The following PVALB variants were observed in gnomAD, a reference collection of about 807,000 sequenced individuals.
PVALB encodes the protein parvalbumin.
PVALB carries 11 observed loss-of-function variants against 10.9 expected under a neutral mutation model. The observed-to-expected ratio is 1.01, with a 90% CI of 0.63 to 1.67. The LOEUF is 1.67. PVALB is among the 40% of genes most tolerant of loss of function. The pLI, the probability that PVALB is intolerant of heterozygous loss-of-function variation, is 0.00. For missense variants in PVALB, 131 were observed against 136.2 expected (o/e 0.96, Z 0.19); for synonymous variants, 57 against 50.7 (o/e 1.12, Z -0.53).
chr22:36,813,425 A>G, intron 3 of PVALB: 2 of 523,132 alleles, frequency 3.8e-6, no homozygotes, highest in Non-Finnish European at 6.8e-6. Context: ...AACAGAATCT[A>G]TTCCTTTTAG....
At chr22:36,811,567 CAGGG>C (rs764602755) in intron 3 of PVALB, 393 of 455,402 alleles carry the variant, frequency 8.6e-4, no homozygotes, top group East Asian at 2.0e-3. Context: ...CTGAGTGTGG[CAGGG>C]AGGGAGGGAG....
chr22:36,817,814 G>A (rs1029009181), upstream of PVALB, among the ~76,000 whole-genome samples: 14 of 152,032 alleles, frequency 9.2e-5, no homozygotes, highest in Admixed American at 6.5e-5. Context: ...GGCATCATGG[G>A]TCCAGACTCC....
At chr22:36,814,591 A>T (rs1939105921) in intron 2 of PVALB, among the ~76,000 whole-genome samples, 1 of 152,148 alleles carries the variant, frequency 6.6e-6, no homozygotes, top group Non-Finnish European at 1.5e-5. Context: ...TCCTAGCCAC[A>T]GCCTTCTCCT....
chr22:36,815,710 G>A (rs1939128602), intron 1 of PVALB, among the ~76,000 whole-genome samples: 1 of 152,138 alleles, frequency 6.6e-6, no homozygotes, highest in Admixed American at 6.5e-5. Flanking sequence ...GACATAGAAA[G>A]GACAGGTTTC....
At chr22:36,811,520 T>C (rs1569092825) in intron 3 of PVALB, 1 of 467,692 alleles carries the variant, frequency 2.1e-6, no homozygotes, top group Non-Finnish European at 4.4e-6. Flanking sequence ...CAACATCTGC[T>C]GGATCTGTTA....
chr22:36,813,716 C>T lies in PVALB; in HGVS notation c.234G>A (p.Leu78=). 3 of 1,614,080 alleles carry T rather than the reference C, an allele frequency of 1.9e-6. No individual in the cohort carries two copies. Among genetic ancestry groups the T allele is most frequent in the Non-Finnish European group, 2.5e-6 (3 of 1,179,988 alleles). The change falls in exon 3 of 4, where the codon CTG becomes CTA. Residue 78 remains leucine (L), a synonymous_variant. Coordinates refer to ENST00000417718, the MANE Select transcript of PVALB (RefSeq NM_001315532.2). The part of the protein sequence containing the change: ...LKGFSPDARD[L]SAKETKMLMA... ...TCAGCATCTTGGTTTCTTTAGCAGA[C>T]AGGTCTCTGGCATCTGGGGAGAAGC...
intron 2 of PVALB, among the ~76,000 whole-genome samples, chr22:36,814,526 G>A (rs1038627529): frequency 1.3e-5 from 2 of 151,964 alleles, no homozygotes; most frequent in African/African-American, 4.8e-5. Context: ...AGACATGGCC[G>A]GGTGGCTGAG....
In PVALB at chr22:36,800,821, G is replaced by A; in HGVS notation, c.*69C>T. The A allele has an allele frequency of 6.7e-7, 1 of 1,489,756 alleles. No individual in the cohort carries two copies. Among genetic ancestry groups the A allele is most frequent in the Non-Finnish European group, 9.4e-7 (1 of 1,066,798 alleles). The allele number at this position is 1,489,756 out of a possible 1,614,324, so 92.3% of individuals were successfully genotyped here. A position where few individuals can be genotyped will look rare whatever the true frequency, so the allele number is the denominator to read the frequency against. On this transcript the variant is annotated 3_prime_UTR_variant, in exon 4 of 4. Transcript: ENST00000417718. ...AACGAACTGAACAGAAATGCAGGAG[G>A]GTGGCGAGAGGGGCCGAGATTGGGT...
Position 36,816,927 on chromosome 22 carries a change from G to A in PVALB, c.61+18C>T, listed in dbSNP as rs774214509. On this transcript the variant is annotated intron_variant, in intron 1 of 3. Coordinates refer to ENST00000417718, the MANE Select transcript of PVALB (RefSeq NM_001315532.2). ...TGGACGAGGGGAGAGGGATGGGGAG[G>A]GGAGCGCGCTTGCTCACCGCTAAAG... The A allele has an allele frequency of 3.8e-6, 6 of 1,594,630 alleles. No individual in the cohort carries two copies. Among genetic ancestry groups the A allele is most frequent in the Non-Finnish European group, 5.1e-6 (6 of 1,173,190 alleles).
intron 3 of PVALB, 160 bp downstream of exon 3, chr22:36,813,486 C>T: frequency 1.7e-6 from 1 of 602,164 alleles, no homozygotes; most frequent in South Asian, 2.2e-5. Context: ...GAGTATGTGG[C>T]AGAGCTCTCA....
intron 3 of PVALB, among the ~76,000 whole-genome samples, chr22:36,802,854 C>T (rs1196016485): frequency 6.6e-6 from 1 of 152,064 alleles, no homozygotes; most frequent in Non-Finnish European, 1.5e-5. Flanking sequence ...GTGGTAACAG[C>T]AGTGCCAAGG....
chr22:36,810,158 C>T (rs1022388869), intron 3 of PVALB, among the ~76,000 whole-genome samples: 2 of 152,202 alleles, frequency 1.3e-5, no homozygotes, highest in Non-Finnish European at 2.9e-5. Flanking sequence ...GCTGGGATTA[C>T]AGGCATGAGC....
chr22:36,814,734 A>T (rs1026678468), intron 2 of PVALB, among the ~76,000 whole-genome samples: 7 of 152,214 alleles, frequency 4.6e-5, no homozygotes, highest in Admixed American at 2.6e-4. Flanking sequence ...TCTTTTAGAC[A>T]AATGAAAATC....
chr22:36,804,492 G>A (rs1938920557), intron 3 of PVALB, among the ~76,000 whole-genome samples: 1 of 152,212 alleles, frequency 6.6e-6, no homozygotes, highest in African/African-American at 2.4e-5. Flanking sequence ...CCTTCAATAG[G>A]GGACTTTGTA....
chr22:36,811,388 G>A, intron 3 of PVALB: 3 of 438,302 alleles, frequency 6.8e-6, no homozygotes, highest in South Asian at 5.1e-5. Context: ...ATAATGCCTA[G>A]TTTACAGATG....
intron 3 of PVALB, among the ~76,000 whole-genome samples, chr22:36,813,143 C>T (rs1428449782): frequency 6.6e-6 from 1 of 152,148 alleles, no homozygotes; most frequent in East Asian, 1.9e-4. Context: ...CTTGGGGTTA[C>T]AGGACACCAG....
In PVALB at chr22:36,813,506, G is replaced by T. The variant is rs533429346; in HGVS notation, c.304+140C>A. On this transcript the variant is annotated intron_variant, in intron 3 of 3. Coordinates refer to ENST00000417718, the MANE Select transcript of PVALB (RefSeq NM_001315532.2). ...TGTGGCAGAGCTCTCAGACCTAATG[G>T]ACTGCTTTTTGTCTTCTAATCTGGG... The T allele has an allele frequency of 1.3e-5, 9 of 681,038 alleles. No individual in the cohort carries two copies. In the African/African-American group the frequency reaches 1.6e-4, roughly 12 times the overall value. The allele number at this position is 681,038 out of a possible 1,614,324, so 42.2% of individuals were successfully genotyped here. A position where few individuals can be genotyped will look rare whatever the true frequency, so the allele number is the denominator to read the frequency against.
intron 3 of PVALB, among the ~76,000 whole-genome samples, chr22:36,802,249 T>C (rs1460515094): frequency 2.0e-5 from 3 of 151,916 alleles, no homozygotes; most frequent in African/African-American, 7.3e-5. Flanking sequence ...TATTTCAAAA[T>C]AAAAAAGTGA....
At chr22:36,804,655 G>T (rs930104510) in intron 3 of PVALB, among the ~76,000 whole-genome samples, 2 of 152,172 alleles carry the variant, frequency 1.3e-5, no homozygotes, top group Non-Finnish European at 1.5e-5. Flanking sequence ...CAAATGACTG[G>T]CTGGGTGCAG....
Sources: allele counts gnomAD v4.1 joint callset (sites outside exome capture counted in the v4.1 genomes callset), GRCh38; gene constraint gnomAD v4.1.1; transcripts MANE v1.5; gene names NCBI Gene and HGNC (gene_info 2026-07-23, HGNC 2026-07-21).